The following RGS6 variants were observed in gnomAD, a reference collection of about 807,000 sequenced individuals.
RGS6 encodes the protein regulator of G protein signaling 6, also known as regulator of G-protein signaling 6.
Under a neutral mutation model 78.5 loss-of-function variants are expected in RGS6, and 30 were observed. That is an observed-to-expected ratio of 0.38 (90% confidence interval 0.29 to 0.52). The LOEUF is 0.52. Among genes scored for constraint, RGS6 ranks in the 20% least tolerant of loss-of-function variants. The pLI is 0.85. For missense variants in RGS6, 495 were observed against 609.7 expected, an observed-to-expected ratio of 0.81 and a Z score of 1.98; for synonymous variants, 206 against 206.0, an observed-to-expected ratio of 1.00 and a Z score of 0.00.
chr14:72,421,864 C>T (rs1275904921), intron 3 of RGS6: 2 of 152,328 alleles, frequency 1.3e-5, no homozygotes, highest in Admixed American at 6.5e-5. Context: ...ACTGGGCTCC[C>T]GTTTCCTCTT....
chr14:72,403,896 G>A (rs2092689274), intron 3 of RGS6, among the ~76,000 whole-genome samples: 2 of 152,148 alleles, frequency 1.3e-5, no homozygotes, highest in Non-Finnish European at 2.9e-5. Context: ...TCCAGAAAGG[G>A]TCAAAAGAGT....
At chr14:72,000,304 A>G (rs562284061) in intron 2 of RGS6, among the ~76,000 whole-genome samples, 36 of 152,234 alleles carry the variant, frequency 2.4e-4, no homozygotes, top group Non-Finnish European at 4.7e-4. Flanking sequence ...TTGTAAATGT[A>G]GGTGGAATAG....
chr14:71,899,710 T>C, the RGS6 span, among the ~76,000 whole-genome samples: 1 of 152,236 alleles, frequency 6.6e-6, no homozygotes, highest in African/African-American at 2.4e-5. Context: ...CAAGATTTTC[T>C]CTTCTGGATG....
At chr14:72,293,043 C>T (rs1352144201) in intron 2 of RGS6, among the ~76,000 whole-genome samples, 1 of 152,210 alleles carries the variant, frequency 6.6e-6, no homozygotes, top group Non-Finnish European at 1.5e-5. Context: ...AATTTCATCC[C>T]TTTCTAACCG....
intron 2 of RGS6, among the ~76,000 whole-genome samples, chr14:72,036,683 A>G (rs1053838711): frequency 6.6e-6 from 1 of 152,088 alleles, no homozygotes; most frequent in African/African-American, 2.4e-5. Flanking sequence ...TTGTTCTCTC[A>G]ATATTGAGTT....
At chr14:72,293,135 T>C (rs1464374440) in intron 2 of RGS6, among the ~76,000 whole-genome samples, 1 of 152,210 alleles carries the variant, frequency 6.6e-6, no homozygotes, top group Non-Finnish European at 1.5e-5. Context: ...TTAAAGAAAC[T>C]CTAAACAAAA....
intron 3 of RGS6, among the ~76,000 whole-genome samples, chr14:72,416,270 A>C (rs188449943): frequency 6.6e-6 from 1 of 152,184 alleles, no homozygotes; most frequent in Non-Finnish European, 1.5e-5. Context: ...GCATTACACA[A>C]TTTCAAGGAA....
At chr14:72,413,127 A>C (rs959487382) in intron 3 of RGS6, among the ~76,000 whole-genome samples, 1 of 152,050 alleles carries the variant, frequency 6.6e-6, no homozygotes, top group Non-Finnish European at 1.5e-5. Context: ...TATCCTTGTT[A>C]ACTTTCTGTC....
intron 2 of RGS6, among the ~76,000 whole-genome samples, chr14:72,118,216 C>T (rs1050043731): frequency 5.9e-5 from 9 of 152,044 alleles, no homozygotes; most frequent in Middle Eastern, 3.4e-3. Flanking sequence ...TCAGCTTCTC[C>T]GTAAGGCTAT....
chr14:72,557,434 T>C (rs1365782908), intron 17 of RGS6, among the ~76,000 whole-genome samples: 4 of 152,164 alleles, frequency 2.6e-5, no homozygotes, highest in Non-Finnish European at 5.9e-5. Context: ...GCAGCAACCT[T>C]CCGGGAGTCA....
chr14:72,504,179 A>C (rs2096766453), intron 13 of RGS6, among the ~76,000 whole-genome samples: 1 of 152,240 alleles, frequency 6.6e-6, no homozygotes, highest in South Asian at 2.1e-4. Context: ...GATTCTGTTA[A>C]GATGACTCAT....
At chr14:72,619,824 G>A in the RGS6 span, 5 of 1,331,256 alleles carry the variant, frequency 3.8e-6, 1 homozygote, top group East Asian at 1.3e-4. Context: ...CATAAGGCCT[G>A]TACCATAGTG....
At chr14:71,936,033 TATATATATGTACATATATATCATATATAC>T (rs2089229295) in intron 1 of RGS6, among the ~76,000 whole-genome samples, 2 of 139,786 alleles carry the variant, frequency 1.4e-5, no homozygotes, top group South Asian at 4.6e-4. Flanking sequence ...TATATATATA[TATATATATGTACATATATATCATATATAC>T]ATATATGCTA....
the RGS6 span, among the ~76,000 whole-genome samples, chr14:71,903,069 G>A: frequency 6.6e-6 from 1 of 152,208 alleles, no homozygotes; most frequent in South Asian, 2.1e-4. Context: ...AGGTATGGCA[G>A]GGTTAAGCCC....
At chr14:72,605,212 T>C in the RGS6 span, among the ~76,000 whole-genome samples, 22 of 152,266 alleles carry the variant, frequency 1.4e-4, no homozygotes, top group African/African-American at 5.1e-4. Flanking sequence ...GAGCTTTCCA[T>C]GCTGGAGAAG....
chr14:72,199,523 C>A (rs2040995907), intron 2 of RGS6, among the ~76,000 whole-genome samples: 1 of 152,150 alleles, frequency 6.6e-6, no homozygotes. Context: ...CTTCCTATAG[C>A]ACTTGCATTT....
the RGS6 span, among the ~76,000 whole-genome samples, chr14:71,894,248 G>A: frequency 6.6e-6 from 1 of 152,136 alleles, no homozygotes; most frequent in Non-Finnish European, 1.5e-5. Context: ...CGATGTTTAC[G>A]ATTAAAGGAA....
chr14:72,084,799 T>G (rs912257176), intron 2 of RGS6, among the ~76,000 whole-genome samples: 7 of 152,198 alleles, frequency 4.6e-5, no homozygotes, highest in African/African-American at 9.7e-5. Flanking sequence ...AAATTTAATT[T>G]TCACCAGCTC....
At chr14:72,082,241 G>A (rs947111106) in intron 2 of RGS6, among the ~76,000 whole-genome samples, 4 of 152,122 alleles carry the variant, frequency 2.6e-5, no homozygotes, top group South Asian at 2.1e-4. Flanking sequence ...CCTTTGGGTA[G>A]TATGGACATT....
Sources: allele counts gnomAD v4.1 joint callset (sites outside exome capture counted in the v4.1 genomes callset), GRCh38; gene constraint gnomAD v4.1.1; transcripts MANE v1.5; gene names NCBI Gene and HGNC (gene_info 2026-07-23, HGNC 2026-07-21).